Variants in ZCCHC8 observed in about 807,000 individuals in gnomAD.
ZCCHC8 encodes zinc finger CCHC domain-containing protein 8.
Under a neutral mutation model 70.6 loss-of-function variants are expected in ZCCHC8, and 27 were observed. The observed-to-expected ratio is 0.38, with a 90% CI of 0.28 to 0.53. The LOEUF is 0.53. ZCCHC8 is among the 20% of genes least tolerant of loss of function. The pLI is 0.81. For missense variants in ZCCHC8, 737 were observed against 876.9 expected (o/e 0.84, Z 2.01); for synonymous variants, 293 against 317.4 (o/e 0.92, Z 0.82).
Position 122,477,575 on chromosome 12 carries a change from G to A in ZCCHC8, c.1345+266C>T, listed in dbSNP as rs555632897. On this transcript the variant is annotated intron_variant, in intron 13 of 13. Coordinates refer to ENST00000633063, the MANE Select transcript of ZCCHC8 (RefSeq NM_017612.5). Reference sequence around the variant, plus strand: ...TGAGGTGGGTGGATCACAAGGTCAGGAGTTCGAGACCAGCCTGGTCAAGAT... The same window carrying A: ...TGAGGTGGGTGGATCACAAGGTCAGAAGTTCGAGACCAGCCTGGTCAAGAT... Among the ~76,000 whole-genome samples the A allele has an allele frequency of 5.4e-5, 8 of 149,480 alleles. No homozygotes were observed. In the South Asian group the frequency reaches 1.7e-3, roughly 31 times the overall value.
intron 13 of ZCCHC8, 56 bp downstream of exon 13, chr12:122,477,785 C>CG: frequency 8.1e-7 from 1 of 1,239,570 alleles, no homozygotes; most frequent in Non-Finnish European, 1.1e-6. Flanking sequence ...AGTGAGACTC[C>CG]ATCTCAAAAA....
chr12:122,482,965 A>T, intron 7 of ZCCHC8: 2 of 521,798 alleles, frequency 3.8e-6, no homozygotes, highest in Non-Finnish European at 3.4e-6. Context: ...ACGAAGAATC[A>T]AGGTGAACAC....
intron 3 of ZCCHC8, 132 bp downstream of exon 3, chr12:122,492,583 G>A (rs1957766606): frequency 4.6e-6 from 3 of 656,646 alleles, no homozygotes. Flanking sequence ...ATGATTCCTT[G>A]TACTTTAACT....
At chr12:122,497,972 C>G (rs1165340696) in intron 2 of ZCCHC8, among the ~76,000 whole-genome samples, 1 of 145,778 alleles carries the variant, frequency 6.9e-6, no homozygotes, top group Non-Finnish European at 1.5e-5. Flanking sequence ...GCCTGAGTGA[C>G]AGAGTGAGAT....
chr12:122,496,647 G>GT (rs1200146374), intron 2 of ZCCHC8, among the ~76,000 whole-genome samples: 3 of 152,128 alleles, frequency 2.0e-5, no homozygotes, highest in Admixed American at 6.5e-5. Context: ...AGAGGAACAT[G>GT]CCACCACATC....
In ZCCHC8 at chr12:122,486,662, C is replaced by G. The variant is rs146110856; in HGVS notation, c.501+2724G>C. ...TCGGCTCACTGCAACCTCTGTCTCCCGGGTTCTAGCGATTCTCCTGCCTCA... is the reference window on the plus strand; with the variant it reads ...TCGGCTCACTGCAACCTCTGTCTCCGGGGTTCTAGCGATTCTCCTGCCTCA... On this transcript the variant is annotated intron_variant, in intron 5 of 13. Coordinates refer to ENST00000633063, the MANE Select transcript of ZCCHC8 (RefSeq NM_017612.5). Among the ~76,000 whole-genome samples, 565 of 151,778 alleles carry G rather than the reference C, an allele frequency of 3.7e-3. 5 individuals are homozygous for G. The highest frequency in any genetic ancestry group is 0.017 in the South Asian group (79 of 4,782).
rs775934027 is a variant in ZCCHC8, at chr12:122,500,689, T to A, written c.152A>T (p.Glu51Val). 1.3e-6 allele frequency: 2 copies of A among 1,582,138 alleles called. No homozygotes were observed. The highest frequency in any genetic ancestry group is 2.3e-5 in the South Asian group (2 of 86,602). Residue 51 changes from glutamate to valine, a missense_variant, in exon 1 of 14, where the codon GAG (glutamate) becomes GTG (valine). Transcript: ENST00000633063. The surrounding 1 kb of genome is among the most constrained non-coding windows in gnomAD (Gnocchi z 4.8). The stretch of plus-strand genomic sequence containing the variant: ...GGTCTCCTCGCACTGCCGAAGCCGC[T>A]CCCGTAGCTCCGCGTCGCCGACCCC... ...ENGVGDAELR[E>V]RLRQCEETIE... is the part of the protein sequence containing the mutation.
chr12:122,500,861 C>G lies in ZCCHC8; in HGVS notation c.-21G>C, dbSNP rs1463310877. 2 of 1,554,508 alleles carry G rather than the reference C, an allele frequency of 1.3e-6. No homozygotes were observed. The highest frequency in any genetic ancestry group is 1.4e-5 in the African/African-American group (1 of 73,374). ...GCCATTTTGGGCTGTGGAAAAGATT[C>G]GAGAAGAGGCGGAGCCGGCCACCAG... On this transcript the variant is annotated 5_prime_UTR_variant, in exon 1 of 14. Coordinates refer to ENST00000633063, the MANE Select transcript of ZCCHC8 (RefSeq NM_017612.5). This position sits in a 1 kb window ranked among gnomAD's most constrained non-coding sequence, Gnocchi z 4.8.
At chr12:122,482,810 C>G (rs1053032704) in intron 7 of ZCCHC8, 115 bp from the exon 8 acceptor site, 1 of 795,966 alleles carries the variant, frequency 1.3e-6, no homozygotes, top group Middle Eastern at 3.7e-4. Context: ...AAGTTGATCA[C>G]AGATCACTAA....
At chr12:122,498,955 GAAT>G in intron 1 of ZCCHC8, 86 bp from the exon 2 acceptor site, 1 of 1,258,660 alleles carries the variant, frequency 7.9e-7, no homozygotes, top group Non-Finnish European at 1.1e-6. Flanking sequence ...TTTGGTGTCA[GAAT>G]ATTATAAAGA....
intron 2 of ZCCHC8, among the ~76,000 whole-genome samples, chr12:122,493,179 A>G (rs1222408411): frequency 6.6e-6 from 1 of 152,148 alleles, no homozygotes; most frequent in Non-Finnish European, 1.5e-5. Context: ...AAAATTCTTA[A>G]GTACCAAAAA....
chr12:122,498,400 AT>A (rs1026345992), intron 2 of ZCCHC8, among the ~76,000 whole-genome samples: 8 of 151,930 alleles, frequency 5.3e-5, no homozygotes, highest in African/African-American at 1.7e-4. Context: ...AAGTGCTGGG[AT>A]TACAGGCGTG....
chr12:122,489,706 C>A lies in ZCCHC8; in HGVS notation c.424-243G>T, dbSNP rs7955513. On this transcript the variant is annotated intron_variant, in intron 4 of 13. Coordinates refer to ENST00000633063, the MANE Select transcript of ZCCHC8 (RefSeq NM_017612.5). ...TGGCAAGGCAGATAACCAGAAAGAT[C>A]AAAAATATATAGTTTTACATTACTG... is the stretch of plus-strand genomic sequence containing the variant. Among the ~76,000 whole-genome samples the A allele has an allele frequency of 6.6e-6, 1 of 151,836 alleles. No individual in the cohort carries two copies. Among genetic ancestry groups the A allele is most frequent in the East Asian group, 1.9e-4 (1 of 5,178 alleles).
chr12:122,491,657 C>T (rs933795261), intron 3 of ZCCHC8, among the ~76,000 whole-genome samples: 1 of 151,682 alleles, frequency 6.6e-6, no homozygotes, highest in Non-Finnish European at 1.5e-5. Flanking sequence ...GGAGAAACCC[C>T]GTCTCTACTA....
At position 122,474,193 on chromosome 12, in the gene ZCCHC8, G is replaced by C; in HGVS notation, c.1428C>G (p.Pro476=). 6.6e-7 allele frequency: 1 copy of C among 1,512,198 alleles called. No homozygotes were observed. Among genetic ancestry groups the C allele is most frequent in the East Asian group, 2.3e-5 (1 of 42,614 alleles). The allele number at this position is 1,512,198 out of a possible 1,614,324, so 93.7% of individuals were successfully genotyped here. The change falls in exon 14 of 14, where the codon CCC becomes CCG. Residue 476 remains proline (P), a synonymous_variant. Transcript: ENST00000633063. ...PPLPPDTPPL[P]RGTPPPVFTP... ...TGAAGACGGGTGGAGGAGTTCCCCG[G>C]GGGAGTGGAGGAGTGTCAGGAGGTA...
rs758273700 is a variant in ZCCHC8, at chr12:122,472,107, G to A, written c.*1390C>T. 11 of 151,578 alleles carry A rather than the reference G, an allele frequency of 7.3e-5. No individual in the cohort carries two copies. Among genetic ancestry groups the A allele is most frequent in the Non-Finnish European group, 1.5e-4 (10 of 67,982 alleles). 9.4% of individuals were successfully genotyped at this position (151,578 alleles called of 1,614,324 possible). On this transcript the variant is annotated 3_prime_UTR_variant, in exon 14 of 14. Transcript: ENST00000633063. ...AAAATAATTACTTTTCAAAAATTCTGCTGTTTCTATATTTAAGGCTGAAAT... is the reference window on the plus strand; with the variant it reads ...AAAATAATTACTTTTCAAAAATTCTACTGTTTCTATATTTAAGGCTGAAAT...
At chr12:122,492,277 G>A (rs2137361599) in intron 3 of ZCCHC8, 1 of 171,342 alleles carries the variant, frequency 5.8e-6, no homozygotes, top group African/African-American at 2.4e-5. Flanking sequence ...ATAATCAAGT[G>A]AGTAGGCTTT....
At position 122,482,034 on chromosome 12, in the gene ZCCHC8, A is replaced by G; in HGVS notation, c.786T>C (p.Cys262=). 4 of 1,613,144 alleles carry G rather than the reference A, an allele frequency of 2.5e-6. No individual in the cohort carries two copies. The highest frequency in any genetic ancestry group is 1.1e-5 in the South Asian group (1 of 91,030). ...SEKRKEYMDA[C]GEANNQNFQQ... ...GGAAATTCTGATTGTTTGCTTCTCCACAGGCATCCATATACTCTTTTCTCT... is the reference window on the plus strand; with the variant it reads ...GGAAATTCTGATTGTTTGCTTCTCCGCAGGCATCCATATACTCTTTTCTCT... The change falls in exon 9 of 14, where the codon TGT becomes TGC. Residue 262 remains cysteine (C), a synonymous_variant. Transcript: ENST00000633063.
rs906879985 is a variant in ZCCHC8, at chr12:122,500,410, T to C, written c.199+232A>G. The C allele has an allele frequency of 5.3e-6, 3 of 568,984 alleles. No individual in the cohort carries two copies. The highest frequency in any genetic ancestry group is 4.9e-4 in the Middle Eastern group (1 of 2,058). 35.2% of individuals were successfully genotyped at this position (568,984 alleles called of 1,614,324 possible). The stretch of plus-strand genomic sequence containing the variant: ...CACCCGGGTGGGAGGCAGGAGTGGG[T>C]CTGGTCAGGAGACGGCCTCCCTGAG... On this transcript the variant is annotated intron_variant, in intron 1 of 13. Coordinates refer to ENST00000633063, the MANE Select transcript of ZCCHC8 (RefSeq NM_017612.5). The surrounding 1 kb of genome is among the most constrained non-coding windows in gnomAD (Gnocchi z 4.8).
Sources: gnomAD v4.1 joint callset for allele counts (sites outside exome capture counted in the v4.1 genomes callset) on GRCh38, gnomAD v4.1.1 for gene constraint, Gnocchi (gnomAD v3.1) non-coding constraint, MANE v1.5 for transcripts, NCBI Gene and HGNC (gene_info 2026-07-23, HGNC 2026-07-21) for gene names.